The following PPM1L variants were observed in gnomAD, a reference collection of about 807,000 sequenced individuals.
PPM1L encodes the protein protein phosphatase 1L.
PPM1L carries 13 observed loss-of-function variants against 31.4 expected under a neutral mutation model. The observed-to-expected ratio is 0.41, with a 90% CI of 0.27 to 0.66. The LOEUF is 0.66. Ranked by LOEUF, PPM1L falls within the 30% of genes least tolerant of loss-of-function variation. The pLI, the probability that PPM1L is intolerant of heterozygous loss-of-function variation, is 0.29. For missense variants in PPM1L, 326 were observed against 453.7 expected, an observed-to-expected ratio of 0.72 and a Z score of 2.56; for synonymous variants, 184 against 175.4, an observed-to-expected ratio of 1.05 and a Z score of -0.39.
chr3:160,900,561 A>G (rs1238246755), intron 1 of PPM1L, among the ~76,000 whole-genome samples: 2 of 152,022 alleles, frequency 1.3e-5, no homozygotes, highest in African/African-American at 4.8e-5. Flanking sequence ...CAGTGCTTCA[A>G]GTGTTTTATG....
intron 1 of PPM1L, among the ~76,000 whole-genome samples, chr3:160,808,845 G>A (rs1712722679): frequency 1.3e-5 from 2 of 152,300 alleles, no homozygotes; most frequent in East Asian, 1.9e-4. Flanking sequence ...TTGTAGAGCA[G>A]CCCCTTTCTG....
chr3:160,876,948 G>T (rs1195565904), intron 1 of PPM1L, among the ~76,000 whole-genome samples: 2 of 152,170 alleles, frequency 1.3e-5, no homozygotes, highest in East Asian at 3.8e-4. Context: ...CCAATCATAG[G>T]CTAAGAATCC....
At chr3:160,841,399 A>G (rs1396080283) in intron 1 of PPM1L, among the ~76,000 whole-genome samples, 2 of 151,468 alleles carry the variant, frequency 1.3e-5, no homozygotes, top group African/African-American at 4.9e-5. Context: ...ATAGACATTC[A>G]TGTTACTTTC....
chr3:160,873,405 G>A (rs1383664333), intron 1 of PPM1L, among the ~76,000 whole-genome samples: 1 of 152,094 alleles, frequency 6.6e-6, no homozygotes, highest in African/African-American at 2.4e-5. Flanking sequence ...ATTCAAAACG[G>A]CTGACTTATA....
chr3:160,918,854 T>C (rs1208265785), intron 1 of PPM1L, among the ~76,000 whole-genome samples: 1 of 152,138 alleles, frequency 6.6e-6, no homozygotes, highest in Non-Finnish European at 1.5e-5. Flanking sequence ...AGTTTGCTAA[T>C]GATAAAAAAT....
Position 161,072,205 on chromosome 3 carries a change from T to C in PPM1L, c.*3048T>C, listed in dbSNP as rs1322375940. 1.3e-5 allele frequency: 2 copies of C among 152,218 alleles called. No homozygotes were observed. The highest frequency in any genetic ancestry group is 4.8e-5 in the African/African-American group (2 of 41,448). The allele number at this position is 152,218 out of a possible 1,614,324, so 9.4% of individuals were successfully genotyped here. A position where few individuals can be genotyped will look rare whatever the true frequency, so the allele number is the denominator to read the frequency against. On this transcript the variant is annotated 3_prime_UTR_variant, in exon 4 of 4. Transcript: ENST00000498165. ...GGAATAAACAACACATATAGAAAGC[T>C]CCAAAGCTGTTCCCAAGACCTGTAT...
chr3:160,967,300 A>G (rs1576749450), intron 2 of PPM1L, among the ~76,000 whole-genome samples: 1 of 152,004 alleles, frequency 6.6e-6, no homozygotes, highest in Admixed American at 6.6e-5. Flanking sequence ...GTATTTCTTC[A>G]TAGCAGTATG....
chr3:160,836,318 GA>G (rs1713713955), intron 1 of PPM1L, among the ~76,000 whole-genome samples: 1 of 124,794 alleles, frequency 8.0e-6, no homozygotes. Context: ...AGGAAAGGAA[GA>G]GAGAGAGAGA....
At chr3:160,897,606 TCTC>T (rs557946070) in intron 1 of PPM1L, among the ~76,000 whole-genome samples, 2 of 152,250 alleles carry the variant, frequency 1.3e-5, no homozygotes, top group Non-Finnish European at 2.9e-5. Context: ...GCAAAGGACT[TCTC>T]CTCTCCAGAT....
rs181348710 is a variant in PPM1L, at chr3:160,780,331, A to C, written c.399+23624A>C. 4.7e-3 allele frequency among the ~76,000 whole-genome samples: 718 copies of C among 152,356 alleles called. 11 individuals carry two copies. The highest frequency in any genetic ancestry group is 0.016 in the African/African-American group (679 of 41,582). On this transcript the variant is annotated intron_variant, in intron 1 of 3. Transcript: ENST00000498165. ...TGTTATAATATAATGCCATTATAAC[A>C]AAATTTCATCAGCCCCTGAAAAATT... is the stretch of plus-strand genomic sequence containing the variant.
chr3:160,944,094 C>T (rs1377417404), intron 1 of PPM1L, among the ~76,000 whole-genome samples: 1 of 152,010 alleles, frequency 6.6e-6, no homozygotes, highest in African/African-American at 2.4e-5. Context: ...AAAGATAGGA[C>T]ACTGTTCCAC....
At chr3:160,973,773 T>TG (rs1368942784) in intron 2 of PPM1L, among the ~76,000 whole-genome samples, 3 of 45,472 alleles carry the variant, frequency 6.6e-5, no homozygotes, top group Non-Finnish European at 1.1e-4. Flanking sequence ...TGTTTTTTTT[T>TG]TTTTTTTTTT....
At chr3:160,944,837 T>TATAACTG (rs1715305609) in intron 1 of PPM1L, among the ~76,000 whole-genome samples, 1 of 62,162 alleles carries the variant, frequency 1.6e-5, no homozygotes, top group African/African-American at 5.1e-5. Flanking sequence ...ATAACATATA[T>TATAACTG]ATGTTATATA....
chr3:160,935,396 G>A (rs998794280), intron 1 of PPM1L, among the ~76,000 whole-genome samples: 67 of 152,298 alleles, frequency 4.4e-4, no homozygotes, highest in African/African-American at 1.5e-3. Flanking sequence ...GAGGCTAGGA[G>A]AGTGACTGGG....
At chr3:161,057,916 A>C (rs1250364142) in intron 2 of PPM1L, among the ~76,000 whole-genome samples, 4 of 151,740 alleles carry the variant, frequency 2.6e-5, no homozygotes, top group Non-Finnish European at 5.9e-5. Context: ...TACTCCAAGA[A>C]GGCCAAGATT....
intron 1 of PPM1L, among the ~76,000 whole-genome samples, chr3:160,766,295 T>C (rs2108057960): frequency 6.6e-6 from 1 of 152,330 alleles, no homozygotes; most frequent in South Asian, 2.1e-4. Flanking sequence ...TGATATGGTC[T>C]GGGTCTGGGT....
At chr3:160,904,755 T>G (rs1471878140) in intron 1 of PPM1L, among the ~76,000 whole-genome samples, 2 of 148,918 alleles carry the variant, frequency 1.3e-5, no homozygotes, top group Non-Finnish European at 3.0e-5. Flanking sequence ...AGGGAGGGAG[T>G]GAAGGAAGGA....
At chr3:161,002,919 T>C (rs1717552166) in intron 2 of PPM1L, among the ~76,000 whole-genome samples, 1 of 147,806 alleles carries the variant, frequency 6.8e-6, no homozygotes, top group Non-Finnish European at 1.5e-5. Context: ...TGCCCATGCC[T>C]ATGTCCTGAA....
intron 1 of PPM1L, among the ~76,000 whole-genome samples, chr3:160,786,829 A>G (rs1031806429): frequency 2.0e-5 from 3 of 152,130 alleles, no homozygotes; most frequent in Admixed American, 2.0e-4. Context: ...GCTCCTACTT[A>G]TAAGTAAGAA....
Sources: allele counts gnomAD v4.1 joint callset (sites outside exome capture counted in the v4.1 genomes callset), GRCh38; gene constraint gnomAD v4.1.1; transcripts MANE v1.5; gene names NCBI Gene and HGNC (gene_info 2026-07-23, HGNC 2026-07-21).